The following ANXA4 variants were observed in gnomAD, a reference collection of about 807,000 sequenced individuals.
The protein encoded by ANXA4 is annexin A4.
ANXA4 carries 39 observed loss-of-function variants against 49.8 expected under a neutral mutation model. The ratio of observed to expected loss-of-function variants is 0.78; its 90% confidence interval spans 0.61 to 1.02. The LOEUF is 1.02. ANXA4 is among the 50% of genes least tolerant of loss of function. The pLI is 0.00. For synonymous variants in ANXA4, 134 were observed against 152.5 expected (o/e 0.88, Z 0.89); for missense variants, 360 against 410.1 (o/e 0.88, Z 1.05).
chr2:69,767,119 G>A (rs1559164397), intron 1 of ANXA4, among the ~76,000 whole-genome samples: 1 of 152,182 alleles, frequency 6.6e-6, no homozygotes, highest in Non-Finnish European at 1.5e-5. Flanking sequence ...ATAAGCAACT[G>A]CCATCCAGGG....
chr2:69,720,042 G>T (rs984630737), intron 2 of ANXA4, among the ~76,000 whole-genome samples: 3 of 152,150 alleles, frequency 2.0e-5, no homozygotes, highest in Admixed American at 1.3e-4. Context: ...GGTCATTAGT[G>T]CTACTGTTCT....
intron 11 of ANXA4, among the ~76,000 whole-genome samples, chr2:69,820,133 G>A (rs1202793102): frequency 6.6e-6 from 1 of 150,426 alleles, no homozygotes; most frequent in Non-Finnish European, 1.5e-5. Context: ...TGCTCTCAAA[G>A]AATGTCTAGC....
In ANXA4 at chr2:69,707,829, G is replaced by A. The variant is rs138912149; in HGVS notation, n.767-12945G>A. 6.8e-3 allele frequency among the ~76,000 whole-genome samples: 1,031 copies of A among 152,164 alleles called. 16 individuals carry two copies. Among genetic ancestry groups the A allele is most frequent in the African/African-American group, 0.024 (977 of 41,504 alleles). ...TGCTATCAAATACTAGGTCTTATTC[G>A]TTCTATTTTTTTGTACCCATTAACC... On this transcript the variant is annotated intron_variant and non_coding_transcript_variant, in intron 2 of 3. Coordinates refer to the ANXA4 transcript ENST00000418066.
intron 2 of ANXA4, among the ~76,000 whole-genome samples, chr2:69,669,310 G>A (rs541124857): frequency 6.6e-6 from 1 of 151,134 alleles, no homozygotes; most frequent in South Asian, 2.1e-4. Flanking sequence ...ACAAATTTTT[G>A]TTTATAAAGA....
intron 2 of ANXA4, among the ~76,000 whole-genome samples, chr2:69,719,875 C>T (rs1189301679): frequency 1.3e-5 from 2 of 152,188 alleles, no homozygotes; most frequent in Admixed American, 6.5e-5. Flanking sequence ...ATCGTCCCAC[C>T]TTGGCCTCCC....
At chr2:69,803,014 T>C (rs559641342) in intron 3 of ANXA4, among the ~76,000 whole-genome samples, 2 of 151,686 alleles carry the variant, frequency 1.3e-5, no homozygotes, top group African/African-American at 4.8e-5. Flanking sequence ...CTGGTCAACA[T>C]GGTGAAACCC....
chr2:69,648,061 C>G (rs1472420019), intron 1 of ANXA4, among the ~76,000 whole-genome samples: 2 of 152,036 alleles, frequency 1.3e-5, no homozygotes, highest in Non-Finnish European at 2.9e-5. Context: ...TACCATAAAC[C>G]CAGTGTGCTG....
At chr2:69,698,888 G>A (rs1398826947) in intron 2 of ANXA4, among the ~76,000 whole-genome samples, 1 of 152,198 alleles carries the variant, frequency 6.6e-6, no homozygotes, top group Non-Finnish European at 1.5e-5. Flanking sequence ...GAAGTAGAAA[G>A]AAACTAGGTT....
chr2:69,795,901 A>G (rs1672922420), intron 3 of ANXA4, among the ~76,000 whole-genome samples: 1 of 152,172 alleles, frequency 6.6e-6, no homozygotes, highest in South Asian at 2.1e-4. Flanking sequence ...GTCTTTCCTG[A>G]GACACCCACC....
At chr2:69,764,140 G>A (rs1379011125) in intron 1 of ANXA4, among the ~76,000 whole-genome samples, 4 of 152,218 alleles carry the variant, frequency 2.6e-5, no homozygotes, top group Non-Finnish European at 5.9e-5. Flanking sequence ...AATCCCTGGT[G>A]ATAGAACAGA....
At chr2:69,673,573 C>T (rs1424189053) in intron 2 of ANXA4, among the ~76,000 whole-genome samples, 1 of 151,734 alleles carries the variant, frequency 6.6e-6, no homozygotes, top group Non-Finnish European at 1.5e-5. Context: ...GGTTGATGGG[C>T]ACAGCAAACC....
At chr2:69,746,914 CT>C (rs1309046716) in intron 1 of ANXA4, among the ~76,000 whole-genome samples, 2 of 152,074 alleles carry the variant, frequency 1.3e-5, no homozygotes, top group Non-Finnish European at 2.9e-5. Flanking sequence ...GGGAGGATCA[CT>C]GGAGCCCAGG....
chr2:69,810,686 T>G lies in ANXA4; in HGVS notation c.477+13T>G. On this transcript the variant is annotated intron_variant, in intron 7 of 12. Coordinates refer to ENST00000394295, the MANE Select transcript of ANXA4 (RefSeq NM_001153.5). Reference sequence around the variant, plus strand: ...GTCTCTGTCAGCTGTGAGTGACTGCTTCTGATGGGGGGCGGGTTTTATCGA... The same window carrying G: ...GTCTCTGTCAGCTGTGAGTGACTGCGTCTGATGGGGGGCGGGTTTTATCGA... 1 of 1,609,630 alleles carries G rather than the reference T, an allele frequency of 6.2e-7. No individual in the cohort carries two copies. Among genetic ancestry groups the G allele is most frequent in the Non-Finnish European group, 8.5e-7 (1 of 1,176,106 alleles).
chr2:69,822,644 C>G (rs138272029), intron 12 of ANXA4, among the ~76,000 whole-genome samples: 1 of 152,062 alleles, frequency 6.6e-6, no homozygotes, highest in Non-Finnish European at 1.5e-5. Flanking sequence ...AAATATACTA[C>G]GTGCAATAAA....
rs146219753 is a variant in ANXA4 at position 69,645,182 on chromosome 2, C to T, written n.481+277C>T. 1.3e-3 allele frequency among the ~76,000 whole-genome samples: 205 copies of T among 152,214 alleles called. 1 individual carries two copies. Among genetic ancestry groups the T allele is most frequent in the African/African-American group, 4.7e-3 (196 of 41,494 alleles). On this transcript the variant is annotated intron_variant and non_coding_transcript_variant, in intron 1 of 3. Transcript: ENST00000418066. ...ATCTGAATATTGAGCTGAGCTGTGACTGGGTTAACAGTAGCGTTTGTTGTT... is the reference window on the plus strand; with the variant it reads ...ATCTGAATATTGAGCTGAGCTGTGATTGGGTTAACAGTAGCGTTTGTTGTT...
At chr2:69,822,188 C>T (rs1206531765) in intron 12 of ANXA4, among the ~76,000 whole-genome samples, 2 of 152,046 alleles carry the variant, frequency 1.3e-5, no homozygotes, top group African/African-American at 2.4e-5. Flanking sequence ...TAGTGAGACC[C>T]TGTCTCTACA....
intron 8 of ANXA4, among the ~76,000 whole-genome samples, chr2:69,813,635 A>T (rs1417661322): frequency 6.6e-6 from 1 of 152,148 alleles, no homozygotes; most frequent in Non-Finnish European, 1.5e-5. Context: ...CATTTTACAA[A>T]CAAGGAAACT....
intron 1 of ANXA4, among the ~76,000 whole-genome samples, chr2:69,754,471 A>T (rs1369414013): frequency 5.3e-5 from 8 of 152,166 alleles, no homozygotes; most frequent in Non-Finnish European, 1.0e-4. Context: ...TATGTTACCC[A>T]GACTGGCCTC....
intron 2 of ANXA4, among the ~76,000 whole-genome samples, chr2:69,678,719 C>G (rs533517465): frequency 2.6e-4 from 40 of 152,234 alleles, no homozygotes; most frequent in Admixed American, 2.3e-3. Context: ...TTTCTACTTT[C>G]AACAGAAATA....
Sources: allele counts gnomAD v4.1 joint callset (sites outside exome capture counted in the v4.1 genomes callset), GRCh38; gene constraint gnomAD v4.1.1; transcripts MANE v1.5; gene names NCBI Gene and HGNC (gene_info 2026-07-23, HGNC 2026-07-21).